The following CSMD1 variants were observed in gnomAD, a reference collection of about 807,000 sequenced individuals.
The protein encoded by CSMD1 is CUB and sushi domain-containing protein 1.
In CSMD1, 213 loss-of-function variants were observed where a neutral mutation model predicts 417.5. The observed-to-expected ratio is 0.51, with a 90% CI of 0.46 to 0.57. The LOEUF (loss-of-function observed/expected upper bound fraction) is 0.57, where lower values mean the gene tolerates loss of function less well. Ranked by LOEUF, CSMD1 falls within the 20% of genes least tolerant of loss-of-function variation. The pLI, the probability that CSMD1 is intolerant of heterozygous loss-of-function variation, is 0.00. For synonymous variants in CSMD1, 2,862 were observed against 1,736.8 expected, an observed-to-expected ratio of 1.65 and a Z score of -16.11; for missense variants, 6,923 against 4,529.7, an observed-to-expected ratio of 1.53 and a Z score of -15.17.
At chr8:3,957,768 A>G (rs2740844) in intron 5 of CSMD1, among the ~76,000 whole-genome samples, 71,379 of 151,856 alleles carry the variant, frequency 0.47, 17,443 homozygotes, top group East Asian at 0.79. Flanking sequence ...ATGAATATCT[A>G]TTTTCCATGC....
At chr8:3,933,511 A>C (rs1035490867) in intron 5 of CSMD1, among the ~76,000 whole-genome samples, 1 of 152,048 alleles carries the variant, frequency 6.6e-6, no homozygotes, top group Admixed American at 6.6e-5. Context: ...AACAGAGAAG[A>C]CCACAGTCTG....
intron 3 of CSMD1, among the ~76,000 whole-genome samples, chr8:4,398,826 T>C (rs972989641): frequency 3.9e-5 from 6 of 152,250 alleles, no homozygotes; most frequent in Non-Finnish European, 7.3e-5. Context: ...GGTATTTTCT[T>C]TTCAAGGTCT....
intron 5 of CSMD1, among the ~76,000 whole-genome samples, chr8:3,979,324 T>A (rs1406182038): frequency 6.6e-6 from 1 of 152,208 alleles, no homozygotes; most frequent in Non-Finnish European, 1.5e-5. Context: ...GAATCAGGTA[T>A]CACGCTGTTG....
chr8:4,719,490 C>T (rs7003441), intron 1 of CSMD1, among the ~76,000 whole-genome samples: 16,156 of 151,234 alleles, frequency 0.11, 1,471 homozygotes, highest in African/African-American at 0.24. Flanking sequence ...TTTCTTCAAG[C>T]GCATTGTAAG....
At chr8:4,210,101 G>C (rs574622934) in intron 3 of CSMD1, among the ~76,000 whole-genome samples, 1 of 152,176 alleles carries the variant, frequency 6.6e-6, no homozygotes, top group South Asian at 2.1e-4. Context: ...TACCAGGAGA[G>C]CTCCTGATCA....
intron 54 of CSMD1, among the ~76,000 whole-genome samples, chr8:2,983,484 T>C (rs1425936327): frequency 6.6e-6 from 1 of 152,112 alleles, no homozygotes; most frequent in East Asian, 1.9e-4. Flanking sequence ...CCTCGCCCAG[T>C]CTTTCTGTTG....
chr8:4,720,238 G>A (rs1808966356), intron 1 of CSMD1, among the ~76,000 whole-genome samples: 1 of 151,478 alleles, frequency 6.6e-6, no homozygotes, highest in Non-Finnish European at 1.5e-5. Flanking sequence ...AATATATAAA[G>A]GGAATGTATC....
intron 3 of CSMD1, among the ~76,000 whole-genome samples, chr8:4,380,215 T>C (rs1277640880): frequency 6.6e-6 from 1 of 152,128 alleles, no homozygotes; most frequent in Non-Finnish European, 1.5e-5. Flanking sequence ...GACTACAGTA[T>C]GGAAAAAGGA....
At chr8:3,810,936 A>T (rs1801032733) in intron 5 of CSMD1, among the ~76,000 whole-genome samples, 1 of 152,180 alleles carries the variant, frequency 6.6e-6, no homozygotes, top group Non-Finnish European at 1.5e-5. Context: ...TTTATCTTTG[A>T]AATGGGGATA....
intron 23 of CSMD1, among the ~76,000 whole-genome samples, chr8:3,323,924 C>A (rs924573792): frequency 2.1e-4 from 29 of 136,014 alleles, no homozygotes; most frequent in South Asian, 1.4e-3. Flanking sequence ...AAAATAGACA[C>A]ACATCTAACC....
chr8:4,707,615 G>T (rs181215092), intron 1 of CSMD1, among the ~76,000 whole-genome samples: 2 of 152,036 alleles, frequency 1.3e-5, no homozygotes, highest in African/African-American at 4.8e-5. Context: ...AGCCAGCCAT[G>T]ATGGCTCACT....
chr8:3,428,388 G>A (rs531890006), intron 12 of CSMD1, among the ~76,000 whole-genome samples: 2 of 152,120 alleles, frequency 1.3e-5, no homozygotes, highest in South Asian at 2.1e-4. Flanking sequence ...TACAAATCTT[G>A]ACAGAAGCTG....
At chr8:4,395,184 T>TAAAA (rs1157928490) in intron 3 of CSMD1, among the ~76,000 whole-genome samples, 1 of 152,186 alleles carries the variant, frequency 6.6e-6, no homozygotes, top group Non-Finnish European at 1.5e-5. Flanking sequence ...CCTCCTCTTT[T>TAAAA]AGCCAGAGAT....
Position 4,637,570 on chromosome 8 carries a change from AAC to A in CSMD1, c.86-14_86-13del, listed in dbSNP as rs1802899095. 2 of 1,592,330 alleles carry A rather than the reference AAC, an allele frequency of 1.3e-6. No individual in the cohort carries two copies. Among genetic ancestry groups the A allele is most frequent in the African/African-American group, 1.3e-5 (1 of 74,530 alleles). ...TCCACAGTTCTGACCTGGAAGAGAA[AAC>A]ACACACAAAAAAGCATATTATTCTG... On this transcript the variant is annotated splice_polypyrimidine_tract_variant and intron_variant, in intron 1 of 69. Transcript: ENST00000635120.
chr8:3,615,028 G>A (rs1051767563), intron 8 of CSMD1, among the ~76,000 whole-genome samples: 3 of 152,284 alleles, frequency 2.0e-5, no homozygotes, highest in South Asian at 2.1e-4. Context: ...ATTTTATTTC[G>A]TTGCTTTGTT....
At position 3,182,578 on chromosome 8, in the gene CSMD1, C is replaced by CTGTGTG. The variant is rs35090952; in HGVS notation, c.5621-1370_5621-1365dup. ...ACTCTGGCTGTCTTTTTATAAGAAG[C>CTGTGTG]TGTGTGTGTGTGTGTGTGTGTGTGT... is the stretch of plus-strand genomic sequence containing the variant. On this transcript the variant is annotated intron_variant, in intron 36 of 69. Coordinates refer to ENST00000635120, the MANE Select transcript of CSMD1 (RefSeq NM_033225.6). Among the ~76,000 whole-genome samples, 369 of 94,114 alleles carry CTGTGTG rather than the reference C, an allele frequency of 3.9e-3. 6 individuals carry two copies. Among genetic ancestry groups the CTGTGTG allele is most frequent in the Middle Eastern group, 6.4e-3 (1 of 156 alleles). 61.7% of individuals were successfully genotyped at this position (94,114 alleles called of 152,430 possible).
intron 5 of CSMD1, among the ~76,000 whole-genome samples, chr8:3,841,141 G>A (rs1168739238): frequency 6.6e-6 from 1 of 152,046 alleles, no homozygotes; most frequent in South Asian, 2.1e-4. Flanking sequence ...CCCCTCATGA[G>A]GGTACTCATC....
intron 1 of CSMD1, among the ~76,000 whole-genome samples, chr8:4,955,516 C>T (rs976725618): frequency 1.6e-4 from 24 of 151,652 alleles, no homozygotes; most frequent in African/African-American, 5.8e-4. Context: ...AGTGCAGTGG[C>T]ATGATCTCGG....
intron 1 of CSMD1, among the ~76,000 whole-genome samples, chr8:4,722,916 A>G (rs1177197803): frequency 6.6e-6 from 1 of 152,198 alleles, no homozygotes; most frequent in African/African-American, 2.4e-5. Flanking sequence ...GCTATTTTCT[A>G]TATCCAGCTG....
Sources: allele counts gnomAD v4.1 joint callset (sites outside exome capture counted in the v4.1 genomes callset), GRCh38; gene constraint gnomAD v4.1.1; transcripts MANE v1.5; gene names NCBI Gene and HGNC (gene_info 2026-07-23, HGNC 2026-07-21).